Variants in AKNA observed in about 807,000 individuals in gnomAD.
AKNA encodes the protein microtubule organization protein AKNA.
A neutral mutation model predicts 138.8 loss-of-function variants in AKNA; 67 were observed. The ratio of observed to expected loss-of-function variants is 0.48; its 90% CI spans 0.40 to 0.59. AKNA has a LOEUF of 0.59. Among genes scored for constraint, AKNA ranks in the 20% least tolerant of loss-of-function variants. The probability of loss-of-function intolerance (pLI) is 0.00; values close to 1 mark genes in which losing one functional copy is unlikely to be tolerated. For synonymous variants in AKNA, 737 were observed against 754.4 expected (o/e 0.98, Z 0.38); for missense variants, 1,813 against 1,880.4 (o/e 0.96, Z 0.66).
upstream of AKNA, among the ~76,000 whole-genome samples, chr9:114,391,475 T>C (rs186182877): frequency 2.1e-4 from 32 of 152,218 alleles, no homozygotes; most frequent in Admixed American, 9.8e-4. Context: ...TTCCATTGTA[T>C]AGGTGAGGAC....
At chr9:114,346,344 G>A (rs996118760) in intron 17 of AKNA, among the ~76,000 whole-genome samples, 8 of 152,326 alleles carry the variant, frequency 5.3e-5, no homozygotes, top group Admixed American at 3.3e-4. Context: ...CCCGGCTACT[G>A]ACTCCAGAGC....
At chr9:114,383,091 C>T in intron 1 of AKNA, 2 of 455,342 alleles carry the variant, frequency 4.4e-6, no homozygotes, top group Non-Finnish European at 8.8e-6. Flanking sequence ...AGTGGTTTCG[C>T]CGCCGATGGC....
chr9:114,348,280 C>T lies in AKNA; in HGVS notation c.3222-380G>A, dbSNP rs190184844. 1.1e-4 allele frequency among the ~76,000 whole-genome samples: 16 copies of T among 152,318 alleles called. 1 individual carries two copies. The East Asian group carries it at 3.1e-3, about 29-fold the overall frequency. On this transcript the variant is annotated intron_variant, in intron 15 of 21. Transcript: ENST00000374088. Reference sequence around the variant, plus strand: ...CCAACCTTCACTCTCTGTCCAGGCCCAGCTCCTCTCCCTACCACTGTGCAA... The same window carrying T: ...CCAACCTTCACTCTCTGTCCAGGCCTAGCTCCTCTCCCTACCACTGTGCAA...
rs766468712 is a variant in AKNA at position 114,362,444 on chromosome 9, G to A, written c.1878C>T (p.Ala626=). The change falls in exon 8 of 22, where the codon GCC becomes GCT. Residue 626 remains alanine, a synonymous_variant. Coordinates refer to ENST00000374088, the MANE Select transcript of AKNA (RefSeq NM_001317950.2). ...ATCTTCCAGGCGTCCCCTTGGAGCC[G>A]GCAAGCGGCTGGGCAGGGTGTTGCT... The part of the protein sequence containing the change: ...CREQHPAQPL[A]GSKGTPGRFD... 11 of 1,612,658 alleles carry A rather than the reference G, an allele frequency of 6.8e-6. No homozygotes were observed. Among genetic ancestry groups the A allele is most frequent in the Admixed American group, 3.3e-5 (2 of 59,848 alleles).
At chr9:114,386,165 G>T (rs1834016302) in intron 1 of AKNA, among the ~76,000 whole-genome samples, 1 of 152,172 alleles carries the variant, frequency 6.6e-6, no homozygotes, top group Non-Finnish European at 1.5e-5. Context: ...CCCAGTGGGC[G>T]CAAATTAACT....
In AKNA at chr9:114,387,853, C is replaced by G; in HGVS notation, c.-114+7G>C. On this transcript the variant is annotated splice_region_variant and intron_variant, in intron 1 of 21. Transcript: ENST00000374088. Reference sequence around the variant, plus strand: ...CTCCCGGGCCCTCCTCCGTTCCAATCCCTTACCTCTCTCGGGCTCCACCAC... The same window carrying G: ...CTCCCGGGCCCTCCTCCGTTCCAATGCCTTACCTCTCTCGGGCTCCACCAC... 1 of 452,944 alleles carries G rather than the reference C, an allele frequency of 2.2e-6. No homozygotes were observed. 28.1% of individuals were successfully genotyped at this position (452,944 alleles called of 1,614,324 possible).
upstream of AKNA, among the ~76,000 whole-genome samples, chr9:114,392,071 G>A (rs995803390): frequency 8.2e-5 from 11 of 133,590 alleles, no homozygotes; most frequent in Middle Eastern, 5.4e-3. Context: ...ATGTCACTGC[G>A]CTCCAGCCTG....
In AKNA at chr9:114,341,751, A is replaced by T. The variant is rs761551662; in HGVS notation, c.3875-26T>A. On this transcript the variant is annotated intron_variant, in intron 20 of 21. Transcript: ENST00000374088. ...CTATCAGGGAGGGAACAGCACAGAG[A>T]GACAGAGTCTGACCACTTGGCAGAT... is the stretch of plus-strand genomic sequence containing the variant. 3 of 1,537,054 alleles carry T rather than the reference A, an allele frequency of 2.0e-6. No homozygotes were observed. The Admixed American group carries it at 6.4e-5, about 33-fold the overall frequency.
chr9:114,367,601 T>C lies in AKNA; in HGVS notation c.1670A>G (p.Gln557Arg), dbSNP rs748926543. 1.9e-6 allele frequency: 3 copies of C among 1,611,656 alleles called. No individual in the cohort carries two copies. Among genetic ancestry groups the C allele is most frequent in the Non-Finnish European group, 2.5e-6 (3 of 1,178,108 alleles). ...LPENRDISED[Q>R]SSAEQTQALA... Reference sequence around the variant, plus strand: ...TGCCTGGGTCTGCTCTGCTGAGGACTGGTCCTCAGAGATGTCCCGGTTCTC... The same window carrying C: ...TGCCTGGGTCTGCTCTGCTGAGGACCGGTCCTCAGAGATGTCCCGGTTCTC... Residue 557 changes from glutamine (Q) to arginine (R), a missense_variant, in exon 6 of 22, where the codon CAG (glutamine) becomes CGG (arginine). Coordinates refer to ENST00000374088, the MANE Select transcript of AKNA (RefSeq NM_001317950.2).
chr9:114,331,657 G>A, downstream of AKNA: 2 of 1,613,702 alleles, frequency 1.2e-6, no homozygotes, highest in Non-Finnish European at 1.7e-6. Context: ...GAGAAGAACT[G>A]GGGGCTGTCT....
chr9:114,377,740 A>G (rs530342558), intron 2 of AKNA: 24 of 578,160 alleles, frequency 4.2e-5, no homozygotes, highest in African/African-American at 3.6e-4. Context: ...CTCAAACCCA[A>G]ACCCGGTGGA....
chr9:114,386,923 A>C (rs2132130721), intron 1 of AKNA, among the ~76,000 whole-genome samples: 1 of 151,598 alleles, frequency 6.6e-6, no homozygotes, highest in African/African-American at 2.4e-5. Context: ...GCCCCTTCCC[A>C]TCCAGCCAGA....
At chr9:114,346,107 C>G (rs1000133345) in intron 17 of AKNA, 98 bp from the exon 18 acceptor site, 2 of 1,278,318 alleles carry the variant, frequency 1.6e-6, no homozygotes, top group Admixed American at 2.1e-5. Context: ...GGGGTGGATG[C>G]CTGGGTTTTA....
Position 114,367,620 on chromosome 9 carries a change from G to C in AKNA, c.1651C>G (p.Arg551Gly). ...MPTLGWLPEN[R>G]DISEDQSSAE... is the part of the protein sequence containing the mutation. ...GAGGACTGGTCCTCAGAGATGTCCC[G>C]GTTCTCCGGAAGCCACCCCAGGGTG... The change falls in exon 6 of 22, where the codon CGG becomes GGG. Residue 551 changes from arginine (R) to glycine (G), a missense_variant. Transcript: ENST00000374088. 1.2e-6 allele frequency: 2 copies of C among 1,607,576 alleles called. No homozygotes were observed. Among genetic ancestry groups the C allele is most frequent in the Non-Finnish European group, 1.7e-6 (2 of 1,174,844 alleles).
intron 1 of AKNA, among the ~76,000 whole-genome samples, chr9:114,384,222 A>G (rs1051501479): frequency 1.3e-5 from 2 of 152,144 alleles, no homozygotes; most frequent in South Asian, 4.1e-4. Context: ...ACATCACGCT[A>G]ATATATTACA....
At chr9:114,340,254 T>C (rs1830252524) in intron 21 of AKNA, among the ~76,000 whole-genome samples, 1 of 152,218 alleles carries the variant, frequency 6.6e-6, no homozygotes, top group Non-Finnish European at 1.5e-5. Context: ...CCCAGGCTTC[T>C]GGCAACACAG....
upstream of AKNA, among the ~76,000 whole-genome samples, chr9:114,398,242 C>T (rs894168419): frequency 2.6e-5 from 4 of 152,216 alleles, no homozygotes; most frequent in African/African-American, 4.8e-5. The surrounding 1 kb of genome is among the most constrained non-coding windows in gnomAD (Gnocchi z 4.2). Flanking sequence ...CCCTCCCATT[C>T]CCGGAGCGGT....
In AKNA at chr9:114,374,044, C is replaced by T. The variant is rs903201608; in HGVS notation, c.1416+49G>A. 10 of 1,539,134 alleles carry T rather than the reference C, an allele frequency of 6.5e-6. No homozygotes were observed. The African/African-American group carries it at 1.2e-4, about 19-fold the overall frequency. On this transcript the variant is annotated intron_variant, in intron 4 of 21. Transcript: ENST00000374088. ...TCTCTAGGACTATGGAAAAGTGTCA[C>T]CTCCTCGGGGACTTGGGCCCATGCC... is the stretch of plus-strand genomic sequence containing the variant.
intron 6 of AKNA, 35 bp downstream of exon 6, chr9:114,367,508 A>C (rs1277533636): frequency 6.2e-7 from 1 of 1,607,508 alleles, no homozygotes; most frequent in Non-Finnish European, 8.5e-7. Flanking sequence ...CAGGTGAGTT[A>C]AGTCTCTCGG....
Sources: gnomAD v4.1 joint callset for allele counts (sites outside exome capture counted in the v4.1 genomes callset) on GRCh38, gnomAD v4.1.1 for gene constraint, Gnocchi (gnomAD v3.1) non-coding constraint, MANE v1.5 for transcripts, NCBI Gene and HGNC (gene_info 2026-07-23, HGNC 2026-07-21) for gene names.